Variants in STK32B observed in about 807,000 individuals in gnomAD.
STK32B encodes serine/threonine-protein kinase 32B.
Under a neutral mutation model 52.6 loss-of-function variants are expected in STK32B, and 43 were observed. The ratio of observed to expected loss-of-function variants is 0.82; its 90% CI spans 0.64 to 1.05. STK32B has a LOEUF of 1.05. Among genes scored for constraint, STK32B ranks in the 50% least tolerant of loss-of-function variants. The pLI is 0.00. For synonymous variants in STK32B, 238 were observed against 204.3 expected, an observed-to-expected ratio of 1.17 and a Z score of -1.41; for missense variants, 621 against 534.6, an observed-to-expected ratio of 1.16 and a Z score of -1.59.
At chr4:5,238,135 TGG>T (rs1311356181) in intron 3 of STK32B, among the ~76,000 whole-genome samples, 1 of 152,142 alleles carries the variant, frequency 6.6e-6, no homozygotes, top group African/African-American at 2.4e-5. Flanking sequence ...GACCACAAAC[TGG>T]GTGTCTTCAA....
chr4:5,173,297 A>G (rs1235049569), intron 3 of STK32B, among the ~76,000 whole-genome samples: 1 of 151,724 alleles, frequency 6.6e-6, no homozygotes, highest in Non-Finnish European at 1.5e-5. Flanking sequence ...TTGTGTCTCT[A>G]TTTCCTTCAG....
chr4:5,434,470 A>G (rs897430815), intron 6 of STK32B, among the ~76,000 whole-genome samples: 8 of 150,926 alleles, frequency 5.3e-5, no homozygotes, highest in Admixed American at 2.7e-4. Context: ...ATATATATAT[A>G]TATGATTTTT....
intron 3 of STK32B, among the ~76,000 whole-genome samples, chr4:5,292,666 A>G (rs1293850732): frequency 2.6e-5 from 4 of 151,878 alleles, no homozygotes; most frequent in Non-Finnish European, 4.4e-5. Flanking sequence ...CACAATTGTC[A>G]ATTTATTTTT....
rs180705021 is a variant in STK32B, at chr4:5,242,583, T to G, written c.260+74133T>G. ...CTGTGCAGAAGCTCTTGAGTTTAAT[T>G]AGATCCCATTTGTCAATTTTGGCTT... On this transcript the variant is annotated intron_variant, in intron 3 of 11. Coordinates refer to ENST00000282908, the MANE Select transcript of STK32B (RefSeq NM_018401.3). Among the ~76,000 whole-genome samples, 1,396 of 152,332 alleles carry G rather than the reference T, an allele frequency of 9.2e-3. 18 individuals carry two copies. Among genetic ancestry groups the G allele is most frequent in the African/African-American group, 0.031 (1,282 of 41,570 alleles).
intron 3 of STK32B, among the ~76,000 whole-genome samples, chr4:5,281,591 A>G (rs1728202765): frequency 1.3e-5 from 2 of 152,212 alleles, no homozygotes; most frequent in Admixed American, 1.3e-4. Context: ...CATGTATCCC[A>G]GAACTTAAAA....
intron 3 of STK32B, among the ~76,000 whole-genome samples, chr4:5,263,757 T>C (rs1311330043): frequency 6.6e-6 from 1 of 152,236 alleles, no homozygotes; most frequent in Non-Finnish European, 1.5e-5. Flanking sequence ...GGTACTCTTA[T>C]AACTCACACT....
chr4:5,246,019 T>G (rs1424821733), intron 3 of STK32B, among the ~76,000 whole-genome samples: 1 of 152,208 alleles, frequency 6.6e-6, no homozygotes, highest in Non-Finnish European at 1.5e-5. Flanking sequence ...TTTCCTTCAT[T>G]TCAACTTTGG....
At chr4:5,045,712 A>G in the STK32B span, among the ~76,000 whole-genome samples, 3 of 152,140 alleles carry the variant, frequency 2.0e-5, no homozygotes, top group African/African-American at 7.2e-5. Context: ...CTGTGTGCCT[A>G]TTGTTGGTGT....
chr4:5,466,499 G>C (rs567628329), intron 9 of STK32B, among the ~76,000 whole-genome samples: 2 of 152,182 alleles, frequency 1.3e-5, no homozygotes, highest in African/African-American at 4.8e-5. Context: ...TGCCCCAGGG[G>C]GACTATGTGT....
chr4:5,436,773 C>G lies in STK32B; in HGVS notation c.563-9900C>G, dbSNP rs886575311. On this transcript the variant is annotated intron_variant, in intron 6 of 11. Transcript: ENST00000282908. ...CAGGACCAAGAATTCTAGACTTGAC[C>G]TCAGGGGTACTACTGGGTGGTTGAG... 2.2e-5 allele frequency: 15 copies of G among 689,594 alleles called. No homozygotes were observed. In the African/African-American group the frequency reaches 2.5e-4, roughly 12 times the overall value. The allele number at this position is 689,594 out of a possible 1,614,324, so 42.7% of individuals were successfully genotyped here.
chr4:5,278,897 C>A (rs1260494802), intron 3 of STK32B, among the ~76,000 whole-genome samples: 2 of 152,062 alleles, frequency 1.3e-5, no homozygotes, highest in African/African-American at 4.8e-5. Context: ...ACAACCATAT[C>A]TCATGAGAAC....
At chr4:5,035,287 C>G in the STK32B span, among the ~76,000 whole-genome samples, 2 of 152,188 alleles carry the variant, frequency 1.3e-5, no homozygotes, top group Non-Finnish European at 2.9e-5. Flanking sequence ...ACTTCTTAGC[C>G]TTATTCTCAC....
At chr4:5,268,797 G>T (rs1406517373) in intron 3 of STK32B, among the ~76,000 whole-genome samples, 1 of 151,880 alleles carries the variant, frequency 6.6e-6, no homozygotes, top group Non-Finnish European at 1.5e-5. Context: ...TTCGGCTTCT[G>T]GTTGAAATGG....
Position 5,378,729 on chromosome 4 carries a change from C to T in STK32B, c.435-19478C>T, listed in dbSNP as rs1226841408. On this transcript the variant is annotated intron_variant, in intron 4 of 11. Transcript: ENST00000282908. The surrounding 1 kb of genome is among the most constrained non-coding windows in gnomAD (Gnocchi z 4.4). ...AATGGACTCTGCATTTTAGTCAGCA[C>T]ACCTGCTGCTGGTTGGTGGAAATGT... 6.6e-6 allele frequency among the ~76,000 whole-genome samples: 1 copy of T among 152,088 alleles called. No individual in the cohort carries two copies. The highest frequency in any genetic ancestry group is 2.4e-5 in the African/African-American group (1 of 41,412).
intron 11 of STK32B, among the ~76,000 whole-genome samples, chr4:5,484,520 G>C (rs530635348): frequency 6.6e-6 from 1 of 152,266 alleles, no homozygotes; most frequent in East Asian, 1.9e-4. Context: ...ACAGCACACG[G>C]ATAGGTCTTG....
the STK32B span, chr4:5,019,542 G>T: frequency 1.5e-6 from 2 of 1,294,390 alleles, no homozygotes; most frequent in South Asian, 1.8e-5. Flanking sequence ...TGGGGCCAGC[G>T]CAGGCTGCGG....
At chr4:5,404,701 G>A (rs1315888281) in intron 5 of STK32B, among the ~76,000 whole-genome samples, 2 of 151,148 alleles carry the variant, frequency 1.3e-5, no homozygotes, top group African/African-American at 2.4e-5. Flanking sequence ...CCTCGCTCCG[G>A]GCCCATAACA....
chr4:5,397,458 GGCCTTTT>G (rs1233845044), intron 4 of STK32B, among the ~76,000 whole-genome samples: 2 of 152,160 alleles, frequency 1.3e-5, no homozygotes, highest in African/African-American at 4.8e-5. Context: ...GGAATTGAGA[GGCCTTTT>G]GCTATAATGG....
At chr4:5,033,570 T>C in the STK32B span, among the ~76,000 whole-genome samples, 568 of 152,306 alleles carry the variant, frequency 3.7e-3, 2 homozygotes, top group African/African-American at 0.013. Flanking sequence ...TTTTGTTTTG[T>C]TTTGAATTTG....
Sources: gnomAD v4.1 joint callset for allele counts (sites outside exome capture counted in the v4.1 genomes callset) on GRCh38, gnomAD v4.1.1 for gene constraint, Gnocchi (gnomAD v3.1) non-coding constraint, MANE v1.5 for transcripts, NCBI Gene and HGNC (gene_info 2026-07-23, HGNC 2026-07-21) for gene names.